Variants in P2RX1 observed in about 807,000 individuals in gnomAD.
P2RX1 encodes purinergic receptor P2X 1, also known as P2X purinoceptor 1.
A neutral mutation model predicts 50.3 loss-of-function variants in P2RX1; 42 were observed. The ratio of observed to expected loss-of-function variants is 0.83; its 90% CI spans 0.65 to 1.08. P2RX1 has a LOEUF of 1.08. Among genes scored for constraint, P2RX1 ranks in the 50% least tolerant of loss-of-function variants. P2RX1 has a pLI of 0.00. For synonymous variants in P2RX1, 199 were observed against 202.6 expected (o/e 0.98, Z 0.15); for missense variants, 449 against 529.0 (o/e 0.85, Z 1.48).
At chr17:3,915,140 A>G (rs549135448) in intron 1 of P2RX1, among the ~76,000 whole-genome samples, 3 of 152,142 alleles carry the variant, frequency 2.0e-5, no homozygotes, top group Non-Finnish European at 4.4e-5. Flanking sequence ...GGGCACCCCT[A>G]GGACCCCAGC....
intron 7 of P2RX1, among the ~76,000 whole-genome samples, chr17:3,900,082 A>C (rs1234814595): frequency 6.8e-6 from 1 of 147,046 alleles, no homozygotes; most frequent in East Asian, 2.1e-4. Flanking sequence ...GCCTGGGTGC[A>C]GAGCCAGACT....
intron 1 of P2RX1, among the ~76,000 whole-genome samples, chr17:3,910,715 G>A (rs1284298731): frequency 6.6e-6 from 1 of 152,220 alleles, no homozygotes; most frequent in Non-Finnish European, 1.5e-5. Context: ...AGGGGCATGA[G>A]CAGACTCCAG....
At chr17:3,902,538 C>T (rs1007353160) in intron 7 of P2RX1, among the ~76,000 whole-genome samples, 1 of 151,982 alleles carries the variant, frequency 6.6e-6, no homozygotes. Context: ...TCAGGTGATC[C>T]GCCCACCGTG....
rs541620261 is a variant in P2RX1 at position 3,906,949 on chromosome 17, G to A, written c.138-1582C>T. Among the ~76,000 whole-genome samples the A allele has an allele frequency of 5.5e-3, 834 of 152,264 alleles. 2 individuals are homozygous for A. The highest frequency in any genetic ancestry group is 8.4e-3 in the Non-Finnish European group (574 of 68,016). On this transcript the variant is annotated intron_variant, in intron 1 of 11. Coordinates refer to ENST00000225538, the MANE Select transcript of P2RX1 (RefSeq NM_002558.4). The stretch of plus-strand genomic sequence containing the variant: ...TCCTGTCTATTGAGTGGCTAAGCAG[G>A]GTGGCTGCAAGACGAAAACTATGGT...
intron 7 of P2RX1, among the ~76,000 whole-genome samples, chr17:3,900,150 C>T (rs1319529585): frequency 6.7e-6 from 1 of 148,890 alleles, no homozygotes; most frequent in Non-Finnish European, 1.5e-5. Flanking sequence ...CACGCACTCT[C>T]TCAAGAACAG....
In P2RX1 at chr17:3,897,809, G is replaced by A. The variant is rs370847163; in HGVS notation, c.*5C>T. 118 of 1,612,358 alleles carry A rather than the reference G, an allele frequency of 7.3e-5. 1 individual carries two copies. The highest frequency in any genetic ancestry group is 4.7e-4 in the Admixed American group (28 of 60,014). ...TGCACCCAGTCAGGAGTTGGGGCCC[G>A]AGCATCAGGATGTCCTCATGTTCTC... On this transcript the variant is annotated 3_prime_UTR_variant, in exon 12 of 12. Coordinates refer to ENST00000225538, the MANE Select transcript of P2RX1 (RefSeq NM_002558.4).
intron 8 of P2RX1, 150 bp downstream of exon 8, chr17:3,899,484 G>A: frequency 2.9e-6 from 3 of 1,021,904 alleles, no homozygotes; most frequent in Non-Finnish European, 4.5e-6. Context: ...CTCCCTGCTG[G>A]CTTCCTGCAT....
chr17:3,915,727 T>A (rs1458275699), intron 1 of P2RX1: 1 of 481,436 alleles, frequency 2.1e-6, no homozygotes, highest in East Asian at 6.2e-5. Flanking sequence ...TGTGTGTCAG[T>A]GGCGGCCTGG....
At chr17:3,900,682 T>A (rs1375990687) in intron 7 of P2RX1, among the ~76,000 whole-genome samples, 1 of 152,162 alleles carries the variant, frequency 6.6e-6, no homozygotes, top group Non-Finnish European at 1.5e-5. Context: ...TGTGTTTTCT[T>A]TGGGAGCATT....
intron 1 of P2RX1, among the ~76,000 whole-genome samples, chr17:3,912,479 C>T (rs749824741): frequency 4.6e-5 from 7 of 151,978 alleles, no homozygotes; most frequent in Admixed American, 6.6e-5. Flanking sequence ...TACAGGCGTG[C>T]GCCACCACAC....
At chr17:3,908,469 A>G (rs2056306511) in intron 1 of P2RX1, among the ~76,000 whole-genome samples, 1 of 152,204 alleles carries the variant, frequency 6.6e-6, no homozygotes, top group African/African-American at 2.4e-5. Context: ...AGGCTGAGGC[A>G]GAGACTCACT....
In P2RX1 at chr17:3,903,889, G is replaced by C. The variant is rs2056204399; in HGVS notation, c.524+39C>G. The C allele has an allele frequency of 6.5e-7, 1 of 1,530,302 alleles. No homozygotes were observed. Among genetic ancestry groups the C allele is most frequent in the Non-Finnish European group, 9.1e-7 (1 of 1,103,540 alleles). The allele number at this position is 1,530,302 out of a possible 1,614,324, so 94.8% of individuals were successfully genotyped here. A position where few individuals can be genotyped will look rare whatever the true frequency, so the allele number is the denominator to read the frequency against. ...CCTAGGCCCCCCTCTGTCTGGCCTG[G>C]GACCCTGTTCTTAGCTCTCTGGAAG... On this transcript the variant is annotated intron_variant, in intron 5 of 11. Transcript: ENST00000225538. This position sits in a 1 kb window ranked among gnomAD's most constrained non-coding sequence, Gnocchi z 4.6.
rs201761925 is a variant in P2RX1 at position 3,903,385 on chromosome 17, G to A, written c.606-42C>T. 74 of 1,612,840 alleles carry A rather than the reference G, an allele frequency of 4.6e-5. No individual in the cohort carries two copies. The East Asian group carries it at 1.5e-3, about 34-fold the overall frequency. On this transcript the variant is annotated intron_variant, in intron 6 of 11. Transcript: ENST00000225538. This position sits in a 1 kb window ranked among gnomAD's most constrained non-coding sequence, Gnocchi z 4.6. ...TGTTGACAGCTGCTGTGTGTCATCC[G>A]GGAGGGTGCCCACCACGCCCCAAAG... is the stretch of plus-strand genomic sequence containing the variant.
Position 3,904,042 on chromosome 17 carries a change from C to A in P2RX1, c.428-18G>T, listed in dbSNP as rs2056208598. ...GCGGATGCCTGGAGCCAGAGGGAAA[C>A]CCCTGGGTGCCTGCACTAAACAGAG... On this transcript the variant is annotated intron_variant, in intron 4 of 11. Transcript: ENST00000225538. 2 of 1,602,474 alleles carry A rather than the reference C, an allele frequency of 1.2e-6. No individual in the cohort carries two copies.
At chr17:3,901,792 C>T (rs1252124159) in intron 7 of P2RX1, among the ~76,000 whole-genome samples, 8 of 151,954 alleles carry the variant, frequency 5.3e-5, no homozygotes, top group Admixed American at 2.6e-4. Flanking sequence ...AGGCACACGG[C>T]GTCAACTCTG....
chr17:3,913,654 C>A (rs1014354472), intron 1 of P2RX1, among the ~76,000 whole-genome samples: 9 of 152,230 alleles, frequency 5.9e-5, no homozygotes, highest in Admixed American at 1.3e-4. Context: ...CACCCTTCGT[C>A]TGAGTTGTGC....
At chr17:3,915,734 C>T in intron 1 of P2RX1, 1 of 485,616 alleles carries the variant, frequency 2.1e-6, no homozygotes, top group Non-Finnish European at 4.1e-6. Context: ...CAGTGGCGGC[C>T]TGGTTTGGCA....
chr17:3,905,867 A>T (rs1223202920), intron 1 of P2RX1, among the ~76,000 whole-genome samples: 6 of 141,120 alleles, frequency 4.3e-5, no homozygotes, highest in Non-Finnish European at 9.2e-5. Context: ...AAAAAAAAAA[A>T]AGGAAAGAAA....
chr17:3,903,638 G>T lies in P2RX1; in HGVS notation c.525-7C>A, dbSNP rs1645419513. ...CTCTCGGAGAAGGGCAGGGCTGGAGGACACCACACGCACTCACCGCCCCTC... is the reference window on the plus strand; with the variant it reads ...CTCTCGGAGAAGGGCAGGGCTGGAGTACACCACACGCACTCACCGCCCCTC... On this transcript the variant is annotated splice_polypyrimidine_tract_variant and splice_region_variant and intron_variant, in intron 5 of 11. Transcript: ENST00000225538. This position sits in a 1 kb window ranked among gnomAD's most constrained non-coding sequence, Gnocchi z 4.6. 2.5e-6 allele frequency: 4 copies of T among 1,613,752 alleles called. No homozygotes were observed. The highest frequency in any genetic ancestry group is 3.4e-6 in the Non-Finnish European group (4 of 1,179,834).
Sources: gnomAD v4.1 joint callset for allele counts (sites outside exome capture counted in the v4.1 genomes callset) on GRCh38, gnomAD v4.1.1 for gene constraint, Gnocchi (gnomAD v3.1) non-coding constraint, MANE v1.5 for transcripts, NCBI Gene and HGNC (gene_info 2026-07-23, HGNC 2026-07-21) for gene names.